Variants in CAMKMT observed in about 807,000 individuals in gnomAD.
CAMKMT encodes the protein CaM KMT.
A neutral mutation model predicts 48.0 loss-of-function variants in CAMKMT; 53 were observed. That is an observed-to-expected ratio of 1.10 (90% CI 0.89 to 1.39). The LOEUF is 1.39. Among genes scored for constraint, CAMKMT ranks in the 40% most tolerant of loss-of-function variants. CAMKMT has a pLI of 0.00. For synonymous variants in CAMKMT, 165 were observed against 152.3 expected, an observed-to-expected ratio of 1.08 and a Z score of -0.61; for missense variants, 428 against 402.7, an observed-to-expected ratio of 1.06 and a Z score of -0.54.
In CAMKMT at chr2:44,458,435, C is replaced by T. The variant is rs186634890; in HGVS notation, c.376+68130C>T. Among the ~76,000 whole-genome samples, 103 of 152,194 alleles carry T rather than the reference C, an allele frequency of 6.8e-4. 1 individual carries two copies. The highest frequency in any genetic ancestry group is 4.4e-3 in the Admixed American group (68 of 15,288). On this transcript the variant is annotated intron_variant, in intron 3 of 10. Coordinates refer to ENST00000378494, the MANE Select transcript of CAMKMT (RefSeq NM_024766.5). ...AACCAAACCTGTGGTATATTTCACA[C>T]GGTTAAATGAGATCATGTAAGTGAA...
chr2:44,764,600 T>A (rs1160038249), intron 9 of CAMKMT, among the ~76,000 whole-genome samples: 1 of 152,200 alleles, frequency 6.6e-6, no homozygotes, highest in African/African-American at 2.4e-5. Context: ...TATTTTCTGA[T>A]TGTCCTGAGG....
chr2:44,635,108 A>C (rs549934094), intron 3 of CAMKMT, among the ~76,000 whole-genome samples: 32 of 152,356 alleles, frequency 2.1e-4, no homozygotes, highest in African/African-American at 7.7e-4. Context: ...ATTAGATGCT[A>C]TGCAAGGTGT....
At position 44,406,533 on chromosome 2, in the gene CAMKMT, T is replaced by G. The variant is rs1160116808; in HGVS notation, c.376+16228T>G. 2.6e-5 allele frequency among the ~76,000 whole-genome samples: 4 copies of G among 152,262 alleles called. No individual in the cohort carries two copies. The East Asian group carries it at 7.7e-4, about 29-fold the overall frequency. ...TAGCACATTTGTTTTGTTTATCTTT[T>G]TTGTTGTTGTTGTTTTATTGGTAAG... On this transcript the variant is annotated intron_variant, in intron 3 of 10. Coordinates refer to ENST00000378494, the MANE Select transcript of CAMKMT (RefSeq NM_024766.5).
rs141516821 is a variant in CAMKMT at position 44,764,241 on chromosome 2, G to T, written c.763-2189G>T. ...GTGTGTACAGGCTGATGTAAACACA[G>T]TATGAAAACACACTTGATGCTCAGG... On this transcript the variant is annotated intron_variant, in intron 9 of 10. Coordinates refer to ENST00000378494, the MANE Select transcript of CAMKMT (RefSeq NM_024766.5). 1.8e-3 allele frequency among the ~76,000 whole-genome samples: 270 copies of T among 152,308 alleles called. 1 individual carries two copies. Among genetic ancestry groups the T allele is most frequent in the African/African-American group, 6.2e-3 (257 of 41,552 alleles).
chr2:44,411,482 C>T (rs1683199958), intron 3 of CAMKMT, among the ~76,000 whole-genome samples: 1 of 152,188 alleles, frequency 6.6e-6, no homozygotes, highest in Non-Finnish European at 1.5e-5. Context: ...TTAGCTCCCT[C>T]ATTTATGAAG....
intron 3 of CAMKMT, among the ~76,000 whole-genome samples, chr2:44,596,132 T>TAA (rs766302518): frequency 1.4e-5 from 2 of 141,146 alleles, no homozygotes; most frequent in Non-Finnish European, 3.1e-5. Flanking sequence ...ACTTATAATT[T>TAA]AAAAAAAAAA....
intron 3 of CAMKMT, among the ~76,000 whole-genome samples, chr2:44,630,371 G>A (rs1672742767): frequency 1.1e-4 from 17 of 151,988 alleles, no homozygotes; most frequent in Admixed American, 1.1e-3. Flanking sequence ...AAAAGCAATG[G>A]CAACAAAAGC....
intron 3 of CAMKMT, among the ~76,000 whole-genome samples, chr2:44,596,391 A>G (rs1054408505): frequency 6.6e-6 from 1 of 151,760 alleles, no homozygotes; most frequent in Admixed American, 6.7e-5. Flanking sequence ...GGAGGTTGCA[A>G]TGAACTAAAC....
intron 9 of CAMKMT, among the ~76,000 whole-genome samples, chr2:44,755,849 C>T (rs1401149015): frequency 3.9e-5 from 6 of 152,024 alleles, no homozygotes; most frequent in African/African-American, 1.2e-4. Context: ...GAGGCAGGGC[C>T]CTAGGGGAGG....
In CAMKMT at chr2:44,772,179, A is replaced by G. The variant is rs1681144373; in HGVS notation, c.*66A>G. The stretch of plus-strand genomic sequence containing the variant: ...ATAGGGAATATTTTTACAAAAACGG[A>G]AATCTGTAAGGGGTATAATCGCCTG... On this transcript the variant is annotated 3_prime_UTR_variant, in exon 11 of 11. Transcript: ENST00000378494. The G allele has an allele frequency of 7.1e-7, 1 of 1,418,352 alleles. No homozygotes were observed. The highest frequency in any genetic ancestry group is 9.9e-7 in the Non-Finnish European group (1 of 1,008,612). 87.9% of individuals were successfully genotyped at this position (1,418,352 alleles called of 1,614,324 possible).
At chr2:44,428,716 T>C (rs1218047570) in intron 3 of CAMKMT, among the ~76,000 whole-genome samples, 2 of 152,216 alleles carry the variant, frequency 1.3e-5, no homozygotes, top group Non-Finnish European at 2.9e-5. Flanking sequence ...TATATATATC[T>C]TCAATTTTCT....
rs1450809280 is a variant in CAMKMT, at chr2:44,706,290, C to T, written c.441C>T (p.Ala147=). 1.2e-6 allele frequency: 2 copies of T among 1,613,176 alleles called. No individual in the cohort carries two copies. The highest frequency in any genetic ancestry group is 4.5e-5 in the East Asian group (2 of 44,862). The change falls in exon 5 of 11, where the codon GCC becomes GCT. Residue 147 remains alanine, a synonymous_variant. Coordinates refer to ENST00000378494, the MANE Select transcript of CAMKMT (RefSeq NM_024766.5). ...CCATTTCTTTTCTCTCTTTCAGGGCCCTTGCTGTGTGTGAGCTAGGGGGTG... is the reference window on the plus strand; with the variant it reads ...CCATTTCTTTTCTCTCTTTCAGGGCTCTTGCTGTGTGTGAGCTAGGGGGTG... ...YCLKHNNIFR[A]LAVCELGGGM...
chr2:44,470,199 G>A (rs1211881419), intron 3 of CAMKMT, among the ~76,000 whole-genome samples: 1 of 152,034 alleles, frequency 6.6e-6, no homozygotes, highest in Admixed American at 6.6e-5. Context: ...TAGCTTTCCA[G>A]TTCTAACATT....
In CAMKMT at chr2:44,704,319, G is replaced by C; in HGVS notation, c.413G>C (p.Cys138Ser). 6.2e-7 allele frequency: 1 copy of C among 1,609,920 alleles called. No individual in the cohort carries two copies. Among genetic ancestry groups the C allele is most frequent in the Non-Finnish European group, 8.5e-7 (1 of 1,177,756 alleles). The change falls in exon 4 of 11, where the codon TGC (cysteine) becomes TCC (serine). Residue 138 changes from cysteine (C) to serine (S), a missense_variant. Physicochemically the swap from Cys to Ser is moderately radical, Grantham distance 112. Coordinates refer to ENST00000378494, the MANE Select transcript of CAMKMT (RefSeq NM_024766.5). ...TCTGAAGAGGTTTTGGCTTACTACT[G>C]CCTCAAGCACAATAATATATTCAGG... Reference protein sequence around the residue: ...WPSEEVLAYYCLKHNNIFRAL... With the variant: ...WPSEEVLAYYSLKHNNIFRAL...
intron 3 of CAMKMT, among the ~76,000 whole-genome samples, chr2:44,522,433 C>G (rs1671168374): frequency 6.6e-6 from 1 of 152,190 alleles, no homozygotes; most frequent in South Asian, 2.1e-4. Flanking sequence ...CACTAATAAG[C>G]ACTTCTCTCT....
At chr2:44,409,362 A>G (rs527888069) in intron 3 of CAMKMT, among the ~76,000 whole-genome samples, 1 of 152,006 alleles carries the variant, frequency 6.6e-6, no homozygotes, top group African/African-American at 2.4e-5. Context: ...TGTTCTTCAG[A>G]CTCAGAAACA....
At chr2:44,539,069 C>T (rs1309914092) in intron 3 of CAMKMT, among the ~76,000 whole-genome samples, 1 of 150,404 alleles carries the variant, frequency 6.6e-6, no homozygotes, top group Non-Finnish European at 1.5e-5. Flanking sequence ...TTTGGGAGGC[C>T]GAGGTGGGTG....
At chr2:44,622,398 A>G (rs1450011850) in intron 3 of CAMKMT, among the ~76,000 whole-genome samples, 2 of 152,212 alleles carry the variant, frequency 1.3e-5, no homozygotes, top group African/African-American at 2.4e-5. Flanking sequence ...TTACAAAGAC[A>G]TATTGCATGA....
intron 3 of CAMKMT, among the ~76,000 whole-genome samples, chr2:44,575,003 A>G (rs1373972009): frequency 6.6e-6 from 1 of 151,566 alleles, no homozygotes; most frequent in African/African-American, 2.4e-5. Flanking sequence ...TGATCCACCC[A>G]CCTTAGCCTC....
Sources: gnomAD v4.1 joint callset for allele counts (sites outside exome capture counted in the v4.1 genomes callset) on GRCh38, gnomAD v4.1.1 for gene constraint, MANE v1.5 for transcripts, NCBI Gene and HGNC (gene_info 2026-07-23, HGNC 2026-07-21) for gene names.